Variants in CCDC170 observed in about 807,000 individuals in gnomAD.
CCDC170 encodes coiled-coil domain containing 170.
CCDC170 carries 69 observed loss-of-function variants against 72.6 expected under a neutral mutation model. The ratio of observed to expected loss-of-function variants is 0.95; its 90% confidence interval spans 0.78 to 1.16. The LOEUF (loss-of-function observed/expected upper bound fraction) is 1.16. Among genes scored for constraint, CCDC170 ranks in the 50% most tolerant of loss-of-function variants. The pLI is 0.00. For synonymous variants in CCDC170, 300 were observed against 303.9 expected (o/e 0.99, Z 0.13); for missense variants, 852 against 832.5 (o/e 1.02, Z -0.29).
intron 6 of CCDC170, among the ~76,000 whole-genome samples, chr6:151,584,501 G>T (rs866204241): frequency 6.6e-6 from 1 of 152,164 alleles, no homozygotes; most frequent in Admixed American, 6.5e-5. Flanking sequence ...ACATGAAATT[G>T]CATGTATAAT....
At chr6:151,502,922 C>A (rs1463109758) in intron 1 of CCDC170, among the ~76,000 whole-genome samples, 2 of 152,142 alleles carry the variant, frequency 1.3e-5, no homozygotes, top group Non-Finnish European at 2.9e-5. Flanking sequence ...GTAATCCCAG[C>A]ACTTTGGGAG....
intron 1 of CCDC170, among the ~76,000 whole-genome samples, chr6:151,535,971 G>A (rs575334089): frequency 2.4e-4 from 36 of 152,136 alleles, no homozygotes; most frequent in African/African-American, 8.0e-4. Context: ...ATCTGGTCAG[G>A]CTGGTCTGGA....
intron 5 of CCDC170, among the ~76,000 whole-genome samples, chr6:151,556,310 G>T (rs1043891919): frequency 2.0e-5 from 3 of 152,112 alleles, no homozygotes; most frequent in Non-Finnish European, 4.4e-5. Flanking sequence ...ACAAAAATTA[G>T]CTGGGCATGG....
chr6:151,592,298 T>C (rs191371724), intron 7 of CCDC170, among the ~76,000 whole-genome samples: 214 of 152,218 alleles, frequency 1.4e-3, no homozygotes, highest in African/African-American at 5.0e-3. Context: ...AGGCGGAGGC[T>C]GCAGTGAGCC....
intron 9 of CCDC170, among the ~76,000 whole-genome samples, chr6:151,603,365 C>T (rs1374288257): frequency 1.3e-5 from 2 of 152,110 alleles, no homozygotes; most frequent in East Asian, 1.9e-4. Context: ...TGTACCTATG[C>T]CATGACATAG....
chr6:151,551,505 G>T (rs1032564176), intron 5 of CCDC170, among the ~76,000 whole-genome samples: 1 of 152,196 alleles, frequency 6.6e-6, no homozygotes, highest in Non-Finnish European at 1.5e-5. Context: ...TTGATATTAG[G>T]TTATAAAAAG....
intron 2 of CCDC170, among the ~76,000 whole-genome samples, 175 bp downstream of exon 2, chr6:151,536,621 A>T (rs566615865): frequency 6.6e-6 from 1 of 152,076 alleles, no homozygotes; most frequent in South Asian, 2.1e-4. Flanking sequence ...CTAAAAATAT[A>T]AAAATTAGCT....
Position 151,582,328 on chromosome 6 carries a change from G to A in CCDC170, c.1093-3561G>A, listed in dbSNP as rs182647872. ...TCTTGTACTTTTATGTTATGGAGATGGCTTCTTTCCTTAAATCTCATGAAT... is the reference window on the plus strand; with the variant it reads ...TCTTGTACTTTTATGTTATGGAGATAGCTTCTTTCCTTAAATCTCATGAAT... On this transcript the variant is annotated intron_variant, in intron 6 of 10. Coordinates refer to ENST00000239374, the MANE Select transcript of CCDC170 (RefSeq NM_025059.4). 5.1e-4 allele frequency among the ~76,000 whole-genome samples: 77 copies of A among 152,256 alleles called. 1 individual carries two copies. The highest frequency in any genetic ancestry group is 1.7e-3 in the Admixed American group (26 of 15,300).
intron 5 of CCDC170, among the ~76,000 whole-genome samples, chr6:151,572,378 G>A (rs2115087592): frequency 6.6e-6 from 1 of 152,266 alleles, no homozygotes; most frequent in East Asian, 1.9e-4. Context: ...ATTCAAAATA[G>A]CATTGAGGGG....
chr6:151,533,003 A>G (rs557917099), intron 1 of CCDC170, among the ~76,000 whole-genome samples: 1 of 150,242 alleles, frequency 6.7e-6, no homozygotes, highest in Non-Finnish European at 1.5e-5. Flanking sequence ...CCTTTTTGCT[A>G]TTTGAATGAT....
chr6:151,533,583 C>T (rs1689086360), intron 1 of CCDC170, among the ~76,000 whole-genome samples: 1 of 151,532 alleles, frequency 6.6e-6, no homozygotes, highest in Admixed American at 6.6e-5. Flanking sequence ...AGGAGAATCG[C>T]TTGAACCTAG....
intron 8 of CCDC170, among the ~76,000 whole-genome samples, chr6:151,595,799 A>G (rs1776612438): frequency 6.6e-6 from 1 of 151,952 alleles, no homozygotes; most frequent in South Asian, 2.1e-4. Context: ...AGCCTGCACA[A>G]TAGAATGAGA....
chr6:151,500,472 T>C (rs1357427624), intron 1 of CCDC170, among the ~76,000 whole-genome samples: 2 of 151,554 alleles, frequency 1.3e-5, no homozygotes, highest in Non-Finnish European at 2.9e-5. Flanking sequence ...ATGGAGAAAA[T>C]GCTTAGTTAA....
chr6:151,580,290 G>T (rs2115098295), intron 6 of CCDC170, among the ~76,000 whole-genome samples: 1 of 152,198 alleles, frequency 6.6e-6, no homozygotes, highest in African/African-American at 2.4e-5. Flanking sequence ...AGGGTCTTCA[G>T]GTAGAAATAC....
At chr6:151,494,619 A>G (rs927911916) in intron 1 of CCDC170, among the ~76,000 whole-genome samples, 9 of 152,212 alleles carry the variant, frequency 5.9e-5, no homozygotes, top group African/African-American at 1.9e-4. Context: ...TTCGTTGCGA[A>G]GTAATCCAGA....
At chr6:151,561,441 G>T (rs1224858371) in intron 5 of CCDC170, among the ~76,000 whole-genome samples, 3 of 151,972 alleles carry the variant, frequency 2.0e-5, no homozygotes, top group Admixed American at 1.3e-4. Flanking sequence ...CTGTTTGCTT[G>T]TCTGGGAAAG....
At chr6:151,573,544 T>G in intron 6 of CCDC170, 53 bp downstream of exon 6, 1 of 1,503,350 alleles carries the variant, frequency 6.7e-7, no homozygotes, top group Non-Finnish European at 9.1e-7. Context: ...AGCTCATTCA[T>G]TTAGCATGCT....
intron 6 of CCDC170, among the ~76,000 whole-genome samples, chr6:151,579,149 A>G (rs1776346975): frequency 6.6e-6 from 1 of 151,836 alleles, no homozygotes; most frequent in Admixed American, 6.6e-5. Context: ...ATTTTGTCCC[A>G]TAGAATATCA....
chr6:151,544,740 T>C, intron 4 of CCDC170, 24 bp downstream of exon 4: 1 of 1,588,550 alleles, frequency 6.3e-7, no homozygotes, highest in Admixed American at 1.7e-5. Flanking sequence ...GATTAAAAAG[T>C]CTATAAATGT....
Sources: gnomAD v4.1 joint callset for allele counts (sites outside exome capture counted in the v4.1 genomes callset) on GRCh38, gnomAD v4.1.1 for gene constraint, MANE v1.5 for transcripts, NCBI Gene and HGNC (gene_info 2026-07-23, HGNC 2026-07-21) for gene names.